SUDS3: variants seen among roughly 807,000 people sequenced by gnomAD.
SUDS3 encodes sin3 histone deacetylase corepressor complex component SDS3.
Under a neutral mutation model 53.5 loss-of-function variants are expected in SUDS3, and 23 were observed. That is an observed-to-expected ratio of 0.43 (90% CI 0.31 to 0.61). SUDS3 has a LOEUF of 0.61. Ranked by LOEUF, SUDS3 falls within the 20% of genes least tolerant of loss-of-function variation. The pLI, the probability that SUDS3 is intolerant of heterozygous loss-of-function variation, is 0.10. For missense variants in SUDS3, 291 were observed against 405.9 expected, an observed-to-expected ratio of 0.72 and a Z score of 2.43; for synonymous variants, 150 against 148.5, an observed-to-expected ratio of 1.01 and a Z score of -0.08.
chr12:118,417,901 A>G lies in SUDS3; in HGVS notation c.*3468A>G, dbSNP rs1430838006. ...TGTCAGGCTAATACTCAGTTTTGTA[A>G]AGAGCAATCTGGGGTGTTGACCCTT... is the stretch of plus-strand genomic sequence containing the variant. On this transcript the variant is annotated 3_prime_UTR_variant, in exon 12 of 12. Transcript: ENST00000543473. 6.6e-6 allele frequency: 1 copy of G among 152,196 alleles called. No individual in the cohort carries two copies. Among genetic ancestry groups the G allele is most frequent in the Non-Finnish European group, 1.5e-5 (1 of 68,042 alleles). The allele number at this position is 152,196 out of a possible 1,614,324, so 9.4% of individuals were successfully genotyped here.
At chr12:118,396,209 C>T (rs775551879) in intron 6 of SUDS3, among the ~76,000 whole-genome samples, 5 of 152,162 alleles carry the variant, frequency 3.3e-5, no homozygotes, top group African/African-American at 7.2e-5. Flanking sequence ...TTCTTTCTGC[C>T]AGTTATATCC....
chr12:118,400,554 C>A, intron 6 of SUDS3, 105 bp from the exon 7 acceptor site: 1 of 1,047,706 alleles, frequency 9.5e-7, no homozygotes, highest in Non-Finnish European at 1.5e-6. Flanking sequence ...CCCAGTAAAA[C>A]AGTTCTGATT....
chr12:118,406,009 T>C (rs1038091995), intron 10 of SUDS3, among the ~76,000 whole-genome samples: 2 of 152,238 alleles, frequency 1.3e-5, no homozygotes, highest in African/African-American at 4.8e-5. Flanking sequence ...GTGTGAATAC[T>C]TGCCAAGCTC....
chr12:118,383,078 G>A lies in SUDS3; in HGVS notation c.213-934G>A, dbSNP rs550037699. On this transcript the variant is annotated intron_variant, in intron 2 of 11. Coordinates refer to ENST00000543473, the MANE Select transcript of SUDS3 (RefSeq NM_022491.3). Reference sequence around the variant, plus strand: ...AATTTGCCCTGAAAGAGTGAGATGTGTGTGAGTCTCAAATTCTGCCTACTC... The same window carrying A: ...AATTTGCCCTGAAAGAGTGAGATGTATGTGAGTCTCAAATTCTGCCTACTC... Among the ~76,000 whole-genome samples the A allele has an allele frequency of 7.3e-4, 111 of 152,324 alleles. 1 individual carries two copies. The highest frequency in any genetic ancestry group is 6.8e-3 in the Middle Eastern group (2 of 294).
Position 118,391,325 on chromosome 12 carries a change from G to C in SUDS3, c.517+43G>C, listed in dbSNP as rs905973217. ...GGTGGGATCTTGGGGGCCCTGAGCG[G>C]GGGGGTGTGAAGGGCTGTTCCAGTT... On this transcript the variant is annotated intron_variant, in intron 6 of 11. Transcript: ENST00000543473. The C allele has an allele frequency of 2.6e-6, 4 of 1,565,354 alleles. No homozygotes were observed. In the Middle Eastern group the frequency reaches 6.9e-4, roughly 271 times the overall value.
intron 4 of SUDS3, 96 bp downstream of exon 4, chr12:118,386,281 A>G: frequency 1.1e-6 from 1 of 929,170 alleles, no homozygotes; most frequent in Non-Finnish European, 1.7e-6. Context: ...TCTCCAAAAC[A>G]TATCCCAGAT....
chr12:118,399,570 C>G (rs1376087020), intron 6 of SUDS3, among the ~76,000 whole-genome samples: 1 of 151,980 alleles, frequency 6.6e-6, no homozygotes, highest in Non-Finnish European at 1.5e-5. Flanking sequence ...TCAGGAAGAT[C>G]ACTTTGAGGG....
In SUDS3 at chr12:118,412,136, C is replaced by T. The variant is rs548415036; in HGVS notation, c.888+979C>T. Among the ~76,000 whole-genome samples, 9 of 152,320 alleles carry T rather than the reference C, an allele frequency of 5.9e-5. No individual in the cohort carries two copies. In the South Asian group the frequency reaches 1.9e-3, roughly 32 times the overall value. On this transcript the variant is annotated intron_variant, in intron 11 of 11. Transcript: ENST00000543473. The stretch of plus-strand genomic sequence containing the variant: ...GATGGATGGGGTCTGGTTTTAAAGT[C>T]AGCTCAGAGGGTTATACCTGAGGAT...
Position 118,413,748 on chromosome 12 carries a change from A to G in SUDS3, c.889-587A>G, listed in dbSNP as rs1419164210. On this transcript the variant is annotated intron_variant, in intron 11 of 11. Coordinates refer to ENST00000543473, the MANE Select transcript of SUDS3 (RefSeq NM_022491.3). The stretch of plus-strand genomic sequence containing the variant: ...ACTGTAATCTAATACTGTCTGTGAG[A>G]GGGGGATATGGTGAGGAGGGAAGGA... Among the ~76,000 whole-genome samples, 3 of 152,196 alleles carry G rather than the reference A, an allele frequency of 2.0e-5. No individual in the cohort carries two copies. The East Asian group carries it at 5.8e-4, about 29-fold the overall frequency.
At chr12:118,407,997 G>A (rs1331038910) in intron 10 of SUDS3, among the ~76,000 whole-genome samples, 1 of 151,866 alleles carries the variant, frequency 6.6e-6, no homozygotes, top group Non-Finnish European at 1.5e-5. Context: ...CGCCTCCCGA[G>A]TTCAAGCTGT....
intron 4 of SUDS3, among the ~76,000 whole-genome samples, chr12:118,387,024 C>T (rs74475416): frequency 0.022 from 3,366 of 152,292 alleles, 121 homozygotes; most frequent in African/African-American, 0.076. Context: ...TGCCACTCCT[C>T]ATGCTGCTGT....
Position 118,415,753 on chromosome 12 carries a change from G to T in SUDS3, c.*1320G>T, listed in dbSNP as rs545221306. 5.3e-5 allele frequency: 8 copies of T among 151,926 alleles called. No homozygotes were observed. The highest frequency in any genetic ancestry group is 2.0e-4 in the Admixed American group (3 of 15,216). 9.4% of individuals were successfully genotyped at this position (151,926 alleles called of 1,614,324 possible). A position where few individuals can be genotyped will look rare whatever the true frequency, so the allele number is the denominator to read the frequency against. ...GGTCTCAAGTGATTCTCTTCATGTT[G>T]TCTCTTGATGTACATACCCCCAAGC... On this transcript the variant is annotated 3_prime_UTR_variant, in exon 12 of 12. Coordinates refer to ENST00000543473, the MANE Select transcript of SUDS3 (RefSeq NM_022491.3).
intron 6 of SUDS3, 36 bp downstream of exon 6, chr12:118,391,318 C>T (rs2046165765): frequency 6.3e-7 from 1 of 1,577,480 alleles, no homozygotes; most frequent in African/African-American, 1.4e-5. Context: ...CTTGGGGGCC[C>T]TGAGCGGGGG....
In SUDS3 at chr12:118,413,194, G is replaced by T. The variant is rs138069071; in HGVS notation, c.889-1141G>T. Among the ~76,000 whole-genome samples the T allele has an allele frequency of 4.8e-4, 73 of 152,340 alleles. No individual in the cohort carries two copies. In the East Asian group the frequency reaches 0.01, roughly 22 times the overall value. ...GATACTGCTGAATAATCACATTAAA[G>T]AAATTGAGATGAAACAGAATAAGCT... is the stretch of plus-strand genomic sequence containing the variant. On this transcript the variant is annotated intron_variant, in intron 11 of 11. Transcript: ENST00000543473.
intron 1 of SUDS3, among the ~76,000 whole-genome samples, chr12:118,378,401 CTTT>C (rs758640851): frequency 6.6e-6 from 1 of 150,762 alleles, no homozygotes; most frequent in Non-Finnish European, 1.5e-5. Flanking sequence ...CATGTGCAGA[CTTT>C]TTTTTTGTTA....
chr12:118,386,018 ACAGT>A lies in SUDS3; in HGVS notation c.269-91_269-88del, dbSNP rs997651582. 2.1e-5 allele frequency: 20 copies of A among 949,670 alleles called. No individual in the cohort carries two copies. The Admixed American group carries it at 2.8e-4, about 13-fold the overall frequency. The allele number at this position is 949,670 out of a possible 1,614,324, so 58.8% of individuals were successfully genotyped here. ...TGTGTCTTCCTTTGGTGTTACTGAA[ACAGT>A]CAGTGTTGATGCTAGATAATAATTT... On this transcript the variant is annotated intron_variant, in intron 3 of 11. Transcript: ENST00000543473.
At chr12:118,408,335 GT>G (rs1007287804) in intron 10 of SUDS3, among the ~76,000 whole-genome samples, 2,453 of 130,042 alleles carry the variant, frequency 0.019, 53 homozygotes, top group African/African-American at 0.063. Context: ...TACCTGGCCA[GT>G]TTTTTTTTTT....
At chr12:118,402,837 T>C (rs1017538540) in intron 9 of SUDS3, among the ~76,000 whole-genome samples, 2 of 151,846 alleles carry the variant, frequency 1.3e-5, no homozygotes, top group Non-Finnish European at 2.9e-5. Flanking sequence ...CTCGGCTCAG[T>C]GCAACCTCCG....
In SUDS3 at chr12:118,401,749, C is replaced by T; in HGVS notation, c.614-10C>T. 6.2e-7 allele frequency: 1 copy of T among 1,612,696 alleles called. No homozygotes were observed. The highest frequency in any genetic ancestry group is 8.5e-7 in the Non-Finnish European group (1 of 1,178,764). ...GTACTTTTCACATACAGTCCTTTAA[C>T]TCTCAACACCCCAGCTAAACTATTT... On this transcript the variant is annotated splice_polypyrimidine_tract_variant and intron_variant, in intron 7 of 11. Coordinates refer to ENST00000543473, the MANE Select transcript of SUDS3 (RefSeq NM_022491.3).
Sources: gnomAD v4.1 joint callset for allele counts (sites outside exome capture counted in the v4.1 genomes callset) on GRCh38, gnomAD v4.1.1 for gene constraint, MANE v1.5 for transcripts, NCBI Gene and HGNC (gene_info 2026-07-23, HGNC 2026-07-21) for gene names.